Variants in NCKAP5 observed in about 807,000 individuals in gnomAD.
The protein encoded by NCKAP5 is nck-associated protein 5.
In NCKAP5, 92 loss-of-function variants were observed where a neutral mutation model predicts 167.0. That is an observed-to-expected ratio of 0.55 (90% CI 0.47 to 0.66). The LOEUF (loss-of-function observed/expected upper bound fraction) is 0.66. Among genes scored for constraint, NCKAP5 ranks in the 30% least tolerant of loss-of-function variants. NCKAP5 has a pLI of 0.00. For missense variants in NCKAP5, 2,378 were observed against 2,315.0 expected (o/e 1.03, Z -0.56); for synonymous variants, 891 against 877.4 (o/e 1.02, Z -0.27).
chr2:133,586,963 A>G, the NCKAP5 span, among the ~76,000 whole-genome samples: 1 of 152,168 alleles, frequency 6.6e-6, no homozygotes, highest in Non-Finnish European at 1.5e-5. Flanking sequence ...CCAGTTCAGA[A>G]TCTCTGAATT....
chr2:133,124,475 T>C (rs978874967), intron 6 of NCKAP5, among the ~76,000 whole-genome samples: 1 of 152,196 alleles, frequency 6.6e-6, no homozygotes, highest in Non-Finnish European at 1.5e-5. Context: ...CACAGAGCTG[T>C]GACACAATAA....
chr2:132,992,264 G>A, intron 7 of NCKAP5, among the ~76,000 whole-genome samples: 1 of 152,318 alleles, frequency 6.6e-6, no homozygotes, highest in East Asian at 1.9e-4. Flanking sequence ...ACTGGGTTAT[G>A]GAGAGGTAAT....
chr2:133,221,891 C>T (rs1184585534), intron 4 of NCKAP5, among the ~76,000 whole-genome samples: 1 of 152,160 alleles, frequency 6.6e-6, no homozygotes, highest in Middle Eastern at 3.2e-3. Flanking sequence ...TGCTGTTAGA[C>T]TTTTGTTCAG....
At chr2:133,534,133 G>A (rs546205751) in intron 2 of NCKAP5, among the ~76,000 whole-genome samples, 54 of 152,204 alleles carry the variant, frequency 3.5e-4, no homozygotes, top group African/African-American at 1.1e-3. Context: ...TATAAGGTGT[G>A]TATTTTTGGT....
intron 3 of NCKAP5, among the ~76,000 whole-genome samples, chr2:133,476,823 G>T (rs1040881950): frequency 3.3e-5 from 5 of 151,918 alleles, no homozygotes; most frequent in Non-Finnish European, 7.4e-5. Context: ...CTGATTTCCC[G>T]GATCCTCTAA....
intron 4 of NCKAP5, among the ~76,000 whole-genome samples, chr2:133,224,281 T>C (rs1336990903): frequency 6.6e-6 from 1 of 152,184 alleles, no homozygotes; most frequent in Non-Finnish European, 1.5e-5. Context: ...GGCTGTGACT[T>C]TGTGGTCTTT....
chr2:132,939,098 G>C (rs75125423), intron 8 of NCKAP5, among the ~76,000 whole-genome samples: 1 of 152,046 alleles, frequency 6.6e-6, no homozygotes, highest in South Asian at 2.1e-4. Flanking sequence ...TTTTTTACTG[G>C]CTTCCTCATT....
chr2:133,619,462 A>C, the NCKAP5 span, among the ~76,000 whole-genome samples: 2 of 152,038 alleles, frequency 1.3e-5, no homozygotes, highest in Non-Finnish European at 2.9e-5. Flanking sequence ...AAGTCTCAGC[A>C]ATAGATCGAA....
chr2:133,490,949 A>C (rs1484674547), intron 3 of NCKAP5, among the ~76,000 whole-genome samples: 1 of 152,212 alleles, frequency 6.6e-6, no homozygotes, highest in African/African-American at 2.4e-5. Context: ...GAGAGATCTA[A>C]AGTAGGTAAG....
chr2:133,344,894 G>A lies in NCKAP5; in HGVS notation c.70-41784C>T, dbSNP rs77725751. 9.2e-3 allele frequency among the ~76,000 whole-genome samples: 1,400 copies of A among 151,988 alleles called. 18 individuals are homozygous for A. The highest frequency in any genetic ancestry group is 0.032 in the African/African-American group (1,312 of 41,436). On this transcript the variant is annotated intron_variant, in intron 3 of 19. Coordinates refer to ENST00000409261, the MANE Select transcript of NCKAP5 (RefSeq NM_207363.3). ...CATGTGGAGATGTCAAGCAGGTAGC[G>A]GGATATGCAAAAGTCTAAAGGTCAG... is the stretch of plus-strand genomic sequence containing the variant.
intron 3 of NCKAP5, among the ~76,000 whole-genome samples, chr2:133,313,840 A>G (rs114364031): frequency 1.6e-3 from 247 of 152,340 alleles, no homozygotes; most frequent in African/African-American, 5.6e-3. Context: ...AAACACTGGT[A>G]GAGCCTTATA....
At chr2:133,625,108 G>C in the NCKAP5 span, among the ~76,000 whole-genome samples, 1 of 152,140 alleles carries the variant, frequency 6.6e-6, no homozygotes, top group Non-Finnish European at 1.5e-5. Context: ...TTACATGGTT[G>C]CTATTCTGAG....
intron 11 of NCKAP5, among the ~76,000 whole-genome samples, chr2:132,831,132 T>C (rs1033955452): frequency 6.6e-6 from 1 of 152,224 alleles, no homozygotes; most frequent in Non-Finnish European, 1.5e-5. Context: ...AGATCAGTTT[T>C]ACTCACTTTT....
intron 3 of NCKAP5, among the ~76,000 whole-genome samples, chr2:133,516,442 A>ATT (rs1272126797): frequency 1.3e-5 from 2 of 152,220 alleles, no homozygotes. Context: ...AGACACAGAC[A>ATT]TTGATTCTGA....
At chr2:133,166,498 T>G (rs2084006512) in intron 5 of NCKAP5, among the ~76,000 whole-genome samples, 1 of 152,206 alleles carries the variant, frequency 6.6e-6, no homozygotes, top group Admixed American at 6.5e-5. Context: ...TCTTTGTCCC[T>G]CTAGTGTAAA....
At chr2:132,749,962 T>C (rs1679974855) in intron 16 of NCKAP5, among the ~76,000 whole-genome samples, 1 of 152,018 alleles carries the variant, frequency 6.6e-6, no homozygotes, top group African/African-American at 2.4e-5. Context: ...CTCCCAACAA[T>C]CATGCTCCGA....
chr2:132,767,511 TG>T (rs1681611529), intron 16 of NCKAP5, among the ~76,000 whole-genome samples: 1 of 152,208 alleles, frequency 6.6e-6, no homozygotes, highest in African/African-American at 2.4e-5. Context: ...CTCCTAGTGC[TG>T]GGATTACAGG....
At chr2:132,955,817 C>T (rs1380284856) in intron 8 of NCKAP5, among the ~76,000 whole-genome samples, 2 of 152,210 alleles carry the variant, frequency 1.3e-5, no homozygotes, top group Non-Finnish European at 1.5e-5. Flanking sequence ...TTGCCAGCAT[C>T]TGTTGTTTCC....
chr2:132,974,030 T>C (rs972593071), intron 7 of NCKAP5, among the ~76,000 whole-genome samples: 1 of 152,246 alleles, frequency 6.6e-6, no homozygotes, highest in South Asian at 2.1e-4. Flanking sequence ...GTAGTAACAC[T>C]GCACCTATCC....
Sources: gnomAD v4.1 joint callset for allele counts (sites outside exome capture counted in the v4.1 genomes callset) on GRCh38, gnomAD v4.1.1 for gene constraint, MANE v1.5 for transcripts, NCBI Gene and HGNC (gene_info 2026-07-23, HGNC 2026-07-21) for gene names.